ARFGAP3: variants seen among roughly 807,000 people sequenced by gnomAD.
ARFGAP3 encodes the protein ADP-ribosylation factor GTPase-activating protein 3.
A neutral mutation model predicts 75.0 loss-of-function variants in ARFGAP3; 72 were observed. The observed-to-expected ratio is 0.96, with a 90% CI of 0.79 to 1.17. ARFGAP3 has a LOEUF of 1.17. ARFGAP3 is among the 50% of genes most tolerant of loss of function. The pLI is 0.00. For synonymous variants in ARFGAP3, 221 were observed against 217.9 expected, an observed-to-expected ratio of 1.01 and a Z score of -0.13; for missense variants, 620 against 626.6, an observed-to-expected ratio of 0.99 and a Z score of 0.11.
chr22:42,815,883 CCAG>C (rs1183369877), intron 11 of ARFGAP3, among the ~76,000 whole-genome samples: 5 of 152,180 alleles, frequency 3.3e-5, no homozygotes, highest in Admixed American at 2.0e-4. Context: ...GAGGCTGAGG[CCAG>C]CAGATCACTT....
intron 3 of ARFGAP3, among the ~76,000 whole-genome samples, chr22:42,838,281 T>C (rs1159136366): frequency 1.6e-5 from 2 of 128,404 alleles, no homozygotes; most frequent in Non-Finnish European, 3.1e-5. Flanking sequence ...CACACATATA[T>C]ATATATATAT....
chr22:42,846,515 T>A (rs578132120), intron 2 of ARFGAP3, among the ~76,000 whole-genome samples: 21 of 152,208 alleles, frequency 1.4e-4, no homozygotes, highest in African/African-American at 4.8e-4. Context: ...TGCCATAGAG[T>A]ATCAGAAGTA....
chr22:42,840,992 C>T lies in ARFGAP3; in HGVS notation c.213G>A (p.Trp71Ter). 3.1e-6 allele frequency: 5 copies of T among 1,614,112 alleles called. No individual in the cohort carries two copies. Among genetic ancestry groups the T allele is most frequent in the Non-Finnish European group, 4.2e-6 (5 of 1,179,986 alleles). The change falls in exon 3 of 16, where the codon TGG (tryptophan) becomes TGA (stop). Residue 71 changes from tryptophan to a stop codon, truncating the protein, a stop_gained. Transcript: ENST00000263245. LOFTEE classifies it high-confidence loss of function. ...GCATGCATCGCAACTGAAACCATGA[C>T]CAGTTGGAATCCAACTCTGTAGATC... ...FIRSTELDSN[W>*]SWFQLRCMQV...
At chr22:42,852,405 T>A (rs2899364) in intron 1 of ARFGAP3, among the ~76,000 whole-genome samples, 6 of 151,896 alleles carry the variant, frequency 4.0e-5, no homozygotes, top group Non-Finnish European at 7.4e-5. Flanking sequence ...TGTCGCCCAC[T>A]CTTGAGTGCA....
Position 42,797,295 on chromosome 22 carries a change from C to T in ARFGAP3, c.*293G>A. The T allele has an allele frequency of 2.4e-6, 1 of 415,022 alleles. No homozygotes were observed. The highest frequency in any genetic ancestry group is 4.3e-6 in the Non-Finnish European group (1 of 230,278). The allele number at this position is 415,022 out of a possible 1,614,324, so 25.7% of individuals were successfully genotyped here. A position where few individuals can be genotyped will look rare whatever the true frequency, so the allele number is the denominator to read the frequency against. On this transcript the variant is annotated 3_prime_UTR_variant, in exon 16 of 16. Coordinates refer to ENST00000263245, the MANE Select transcript of ARFGAP3 (RefSeq NM_014570.5). ...GTTCAGGAGCAGGAGGAGCCGAGGT[C>T]TCCAGGCCCTCAGTGTTGAAATCAA... is the stretch of plus-strand genomic sequence containing the variant.
At chr22:42,847,096 G>C (rs999898280) in intron 2 of ARFGAP3, 18 of 171,072 alleles carry the variant, frequency 1.1e-4, no homozygotes, top group Admixed American at 3.2e-4. Context: ...ATACCAATGA[G>C]GGCTCAATCA....
In ARFGAP3 at chr22:42,799,900, C is replaced by T. The variant is rs116590730; in HGVS notation, c.1412-740G>A. ...GCCAGTCTTCCCAGGTACAGAAGTT[C>T]ACACTTCCACCCTCTTTGCTAGGGC... On this transcript the variant is annotated intron_variant, in intron 14 of 15. Coordinates refer to ENST00000263245, the MANE Select transcript of ARFGAP3 (RefSeq NM_014570.5). Among the ~76,000 whole-genome samples, 968 of 152,304 alleles carry T rather than the reference C, an allele frequency of 6.4e-3. 13 individuals are homozygous for T. Among genetic ancestry groups the T allele is most frequent in the African/African-American group, 0.023 (939 of 41,562 alleles).
chr22:42,850,085 CAACAGG>C (rs1287759274), intron 1 of ARFGAP3, among the ~76,000 whole-genome samples: 1 of 152,078 alleles, frequency 6.6e-6, no homozygotes, highest in African/African-American at 2.4e-5. Flanking sequence ...CACTGAAGCC[CAACAGG>C]AGCATAAAAG....
intron 1 of ARFGAP3, among the ~76,000 whole-genome samples, chr22:42,848,267 G>T (rs143813569): frequency 6.6e-6 from 1 of 152,018 alleles, no homozygotes; most frequent in Non-Finnish European, 1.5e-5. Context: ...GGAGTGCAGC[G>T]GCACGATTTC....
Position 42,808,783 on chromosome 22 carries a change from CT to C in ARFGAP3, c.1303del (p.Arg435AspfsTer13). The part of the protein sequence containing the change: ...KAISSDMYFG[R>X]QSQADYETRA... ...GACCCTTACATCAGCCTGGGATTGTCTTCCAAAATACATATCTGATGAAATG... is the reference window on the plus strand; with the variant it reads ...GACCCTTACATCAGCCTGGGATTGTCTCCAAAATACATATCTGATGAAATG... On this transcript the variant is annotated frameshift_variant, in exon 13 of 16. Transcript: ENST00000263245. LOFTEE classifies it high-confidence loss of function. The C allele has an allele frequency of 6.2e-7, 1 of 1,612,322 alleles. No homozygotes were observed. Among genetic ancestry groups the C allele is most frequent in the Non-Finnish European group, 8.5e-7 (1 of 1,179,036 alleles).
At chr22:42,846,742 C>T (rs1602132007) in intron 2 of ARFGAP3, among the ~76,000 whole-genome samples, 1 of 152,212 alleles carries the variant, frequency 6.6e-6, no homozygotes, top group East Asian at 1.9e-4. Context: ...AAACTCTCCA[C>T]TTTGGAGGAC....
chr22:42,824,029 A>G (rs1346249132), intron 7 of ARFGAP3, among the ~76,000 whole-genome samples: 8 of 142,928 alleles, frequency 5.6e-5, no homozygotes, highest in Non-Finnish European at 1.2e-4. Flanking sequence ...ATATTACAAC[A>G]ACTTTTTTTT....
intron 5 of ARFGAP3, among the ~76,000 whole-genome samples, chr22:42,832,347 G>A (rs1926331144): frequency 6.6e-6 from 1 of 151,568 alleles, no homozygotes; most frequent in Non-Finnish European, 1.5e-5. Context: ...GGCCAATATG[G>A]TGAAACCCTG....
chr22:42,854,674 C>T (rs1416878575), intron 1 of ARFGAP3, among the ~76,000 whole-genome samples: 1 of 151,864 alleles, frequency 6.6e-6, no homozygotes, highest in South Asian at 2.1e-4. Context: ...ACCCTCATGA[C>T]CTTTGATCTA....
chr22:42,799,615 G>A (rs1294325169), intron 14 of ARFGAP3, among the ~76,000 whole-genome samples: 1 of 152,152 alleles, frequency 6.6e-6, no homozygotes, highest in Admixed American at 6.5e-5. Context: ...CTTCTACCCT[G>A]TCCACAGGCA....
At chr22:42,831,787 T>A (rs1926301503) in intron 5 of ARFGAP3, 151 bp from the exon 6 acceptor site, 2 of 1,431,228 alleles carry the variant, frequency 1.4e-6, no homozygotes, top group South Asian at 2.9e-5. Context: ...TTTTCTTGCT[T>A]TCTTTTTTTT....
chr22:42,835,238 T>G, intron 4 of ARFGAP3, 124 bp downstream of exon 4: 2 of 1,081,260 alleles, frequency 1.8e-6, no homozygotes, highest in Admixed American at 5.1e-5. Context: ...AGTAAGAATC[T>G]ACTGTACACT....
At chr22:42,817,061 C>T (rs1360633254) in intron 11 of ARFGAP3, 81 bp downstream of exon 11, 1 of 996,382 alleles carries the variant, frequency 1.0e-6, no homozygotes, top group Non-Finnish European at 1.6e-6. Flanking sequence ...TGTAATTTCT[C>T]CTAATGCAAA....
intron 1 of ARFGAP3, 25 bp from the exon 2 acceptor site, chr22:42,847,657 T>G: frequency 6.2e-7 from 1 of 1,606,706 alleles, no homozygotes; most frequent in Non-Finnish European, 8.5e-7. Flanking sequence ...TAAATTCAGT[T>G]ACTAATTTAT....
Sources: gnomAD v4.1 joint callset for allele counts (sites outside exome capture counted in the v4.1 genomes callset) on GRCh38, gnomAD v4.1.1 for gene constraint, MANE v1.5 for transcripts, NCBI Gene and HGNC (gene_info 2026-07-23, HGNC 2026-07-21) for gene names.